GRID2: variants seen among roughly 807,000 people sequenced by gnomAD.
GRID2 encodes the protein glutamate receptor ionotropic, delta-2.
Under a neutral mutation model 114.8 loss-of-function variants are expected in GRID2, and 33 were observed. That is an observed-to-expected ratio of 0.29 (90% CI 0.22 to 0.38). The LOEUF (loss-of-function observed/expected upper bound fraction) is 0.38. GRID2 is among the 10% of genes least tolerant of loss of function. The pLI is 1.00. For missense variants in GRID2, 1,184 were observed against 1,257.7 expected, an observed-to-expected ratio of 0.94 and a Z score of 0.89; for synonymous variants, 505 against 449.9, an observed-to-expected ratio of 1.12 and a Z score of -1.55.
At chr4:93,010,364 G>A (rs1253090443) in intron 2 of GRID2, among the ~76,000 whole-genome samples, 1 of 151,728 alleles carries the variant, frequency 6.6e-6, no homozygotes, top group Admixed American at 6.6e-5. Context: ...ATCATTTGCT[G>A]GAATGGCTCA....
chr4:92,554,980 G>C (rs528512550), intron 1 of GRID2, among the ~76,000 whole-genome samples: 1 of 152,190 alleles, frequency 6.6e-6, no homozygotes, highest in Admixed American at 6.5e-5. Context: ...TTTTGCATAA[G>C]GTTAGAATGT....
At chr4:92,440,496 T>A (rs1162321224) in intron 1 of GRID2, among the ~76,000 whole-genome samples, 2 of 151,926 alleles carry the variant, frequency 1.3e-5, no homozygotes, top group East Asian at 1.9e-4. Context: ...CAGTCCTGGG[T>A]GGGGCAAATC....
intron 2 of GRID2, among the ~76,000 whole-genome samples, chr4:92,876,960 T>C (rs1397295118): frequency 6.6e-6 from 1 of 152,254 alleles, no homozygotes; most frequent in Non-Finnish European, 1.5e-5. Flanking sequence ...GCTATTTTAA[T>C]TGTATTTTTT....
chr4:93,562,732 G>T (rs1186046704), intron 13 of GRID2, among the ~76,000 whole-genome samples: 1 of 152,028 alleles, frequency 6.6e-6, no homozygotes, highest in Non-Finnish European at 1.5e-5. Context: ...TTACTACCTA[G>T]ATTTCTTTTT....
chr4:93,048,275 A>G (rs1221870793), intron 2 of GRID2, among the ~76,000 whole-genome samples: 2 of 152,054 alleles, frequency 1.3e-5, no homozygotes, highest in Admixed American at 6.6e-5. Flanking sequence ...TCATTTCATG[A>G]GGAGGAGTGC....
intron 2 of GRID2, among the ~76,000 whole-genome samples, chr4:92,885,810 C>T (rs968431557): frequency 7.2e-5 from 11 of 152,198 alleles, no homozygotes; most frequent in Middle Eastern, 3.4e-3. Context: ...GCTAACATGC[C>T]GTTTATATTA....
intron 1 of GRID2, among the ~76,000 whole-genome samples, chr4:92,324,919 T>G (rs539471827): frequency 1.3e-5 from 2 of 151,798 alleles, no homozygotes; most frequent in Non-Finnish European, 2.9e-5. Flanking sequence ...GAAATCAGAG[T>G]TCAAAATTAT....
chr4:93,476,209 T>C (rs1302147236), intron 11 of GRID2, among the ~76,000 whole-genome samples: 1 of 152,140 alleles, frequency 6.6e-6, no homozygotes, highest in African/African-American at 2.4e-5. Flanking sequence ...TGGTATACAA[T>C]GATGTGTTAA....
chr4:92,652,927 AATAT>A (rs1178079694), intron 2 of GRID2, among the ~76,000 whole-genome samples: 15 of 142,054 alleles, frequency 1.1e-4, no homozygotes, highest in Non-Finnish European at 2.1e-4. Context: ...AATACATATA[AATAT>A]ATATAAACAT....
chr4:92,665,592 C>T (rs575022501), intron 2 of GRID2, among the ~76,000 whole-genome samples: 166 of 151,068 alleles, frequency 1.1e-3, no homozygotes, highest in African/African-American at 3.8e-3. Context: ...TGTTTTTTAG[C>T]ATTTCTTTCA....
At chr4:93,454,566 AC>A (rs527956757) in intron 10 of GRID2, among the ~76,000 whole-genome samples, 32 of 152,162 alleles carry the variant, frequency 2.1e-4, no homozygotes, top group South Asian at 1.7e-3. Flanking sequence ...GTACACACAG[AC>A]ATACAAACAC....
chr4:93,480,532 T>C (rs982541296), intron 11 of GRID2, among the ~76,000 whole-genome samples: 1 of 152,088 alleles, frequency 6.6e-6, no homozygotes, highest in African/African-American at 2.4e-5. Flanking sequence ...GCACCTATTT[T>C]ATTTTTAGGG....
At chr4:93,293,860 C>A (rs967747427) in intron 8 of GRID2, among the ~76,000 whole-genome samples, 1 of 152,114 alleles carries the variant, frequency 6.6e-6, no homozygotes, top group South Asian at 2.1e-4. Context: ...GTACTAGACC[C>A]CAAATGATAT....
chr4:92,438,619 A>T (rs1020434347), intron 1 of GRID2, among the ~76,000 whole-genome samples: 4 of 150,316 alleles, frequency 2.7e-5, no homozygotes, highest in Admixed American at 2.7e-4. Context: ...TTTCTATACT[A>T]GTATTTTAGC....
intron 14 of GRID2, among the ~76,000 whole-genome samples, chr4:93,724,820 C>T (rs1729698085): frequency 1.3e-5 from 2 of 152,096 alleles, no homozygotes; most frequent in Admixed American, 1.3e-4. Flanking sequence ...CACTCTGTCG[C>T]CCAAGCTGGA....
intron 4 of GRID2, among the ~76,000 whole-genome samples, chr4:93,195,750 A>G (rs1047299754): frequency 6.6e-6 from 1 of 152,214 alleles, no homozygotes; most frequent in Non-Finnish European, 1.5e-5. Context: ...TTCCATTTCT[A>G]GGAAAGGTAG....
intron 2 of GRID2, among the ~76,000 whole-genome samples, chr4:92,803,468 T>C (rs1158848660): frequency 2.0e-5 from 3 of 152,022 alleles, no homozygotes; most frequent in African/African-American, 7.2e-5. Flanking sequence ...ATTTTTGTTT[T>C]AACTTTTCCT....
intron 2 of GRID2, among the ~76,000 whole-genome samples, chr4:92,614,387 C>T (rs1729903123): frequency 6.6e-6 from 1 of 151,644 alleles, no homozygotes; most frequent in Admixed American, 6.6e-5. Context: ...GTTAACACTG[C>T]TTTACCTGAT....
At chr4:93,352,092 T>C (rs1303063114) in intron 8 of GRID2, among the ~76,000 whole-genome samples, 1 of 152,026 alleles carries the variant, frequency 6.6e-6, no homozygotes, top group Non-Finnish European at 1.5e-5. Flanking sequence ...TGCTGACAAG[T>C]AGCAAGATTA....
Sources: allele counts gnomAD v4.1 joint callset (sites outside exome capture counted in the v4.1 genomes callset), GRCh38; gene constraint gnomAD v4.1.1; transcripts MANE v1.5; gene names NCBI Gene and HGNC (gene_info 2026-07-23, HGNC 2026-07-21).